The following CORO2B variants were observed in gnomAD, a reference collection of about 807,000 sequenced individuals.
CORO2B encodes coronin-2B.
A neutral mutation model predicts 58.8 loss-of-function variants in CORO2B; 26 were observed. The ratio of observed to expected loss-of-function variants is 0.44; its 90% CI spans 0.32 to 0.61. The LOEUF is 0.61. CORO2B is among the 20% of genes least tolerant of loss of function. The probability of loss-of-function intolerance (pLI) is 0.04; values close to 1 mark genes in which losing one functional copy is unlikely to be tolerated. For synonymous variants in CORO2B, 242 were observed against 253.8 expected, an observed-to-expected ratio of 0.95 and a Z score of 0.44; for missense variants, 460 against 645.1, an observed-to-expected ratio of 0.71 and a Z score of 3.11.
At chr15:68,644,528 A>G (rs1901359541) in intron 1 of CORO2B, among the ~76,000 whole-genome samples, 1 of 152,088 alleles carries the variant, frequency 6.6e-6, no homozygotes. Flanking sequence ...TCATGGCCCT[A>G]CTTAGCTGTG....
the CORO2B span, among the ~76,000 whole-genome samples, chr15:68,542,180 C>A: frequency 6.6e-6 from 1 of 152,202 alleles, no homozygotes; most frequent in Non-Finnish European, 1.5e-5. Flanking sequence ...CAAAAGACCC[C>A]AAAGGATCCA....
chr15:68,717,137 C>T (rs956311810), intron 8 of CORO2B, among the ~76,000 whole-genome samples: 5 of 151,844 alleles, frequency 3.3e-5, no homozygotes, highest in African/African-American at 1.2e-4. Context: ...AACCCTGTCT[C>T]TAAACCCTGT....
chr15:68,557,017 T>G, the CORO2B span, among the ~76,000 whole-genome samples: 1 of 152,202 alleles, frequency 6.6e-6, no homozygotes, highest in Non-Finnish European at 1.5e-5. Context: ...GCTTCCAGCT[T>G]TGGGAAAAGG....
At position 68,637,603 on chromosome 15, in the gene CORO2B, A is replaced by G. The variant is rs139569922; in HGVS notation, c.16-7557A>G. On this transcript the variant is annotated intron_variant, in intron 1 of 11. Transcript: ENST00000261861. Reference sequence around the variant, plus strand: ...CTGGAGAAGGAAGGCGGCTTGTCCCAGGTCACATAGCTAGAGACCAAACTA... The same window carrying G: ...CTGGAGAAGGAAGGCGGCTTGTCCCGGGTCACATAGCTAGAGACCAAACTA... 3.7e-3 allele frequency among the ~76,000 whole-genome samples: 557 copies of G among 152,332 alleles called. 5 individuals carry two copies. Among genetic ancestry groups the G allele is most frequent in the African/African-American group, 0.013 (534 of 41,584 alleles).
At chr15:68,545,406 C>T in the CORO2B span, among the ~76,000 whole-genome samples, 1 of 152,158 alleles carries the variant, frequency 6.6e-6, no homozygotes, top group East Asian at 1.9e-4. Flanking sequence ...CAGCCTCTGT[C>T]ATACCCTGGT....
chr15:68,601,864 A>G (rs1327112682), intron 1 of CORO2B, among the ~76,000 whole-genome samples: 1 of 152,210 alleles, frequency 6.6e-6, no homozygotes, highest in Non-Finnish European at 1.5e-5. Context: ...TTGATTTCTC[A>G]TAGCCGTGGA....
the CORO2B span, among the ~76,000 whole-genome samples, chr15:68,547,472 C>A: frequency 1.3e-5 from 2 of 152,080 alleles, no homozygotes; most frequent in Non-Finnish European, 2.9e-5. Flanking sequence ...TAATATTTTG[C>A]CAGCACTACT....
chr15:68,567,335 AT>A, the CORO2B span, among the ~76,000 whole-genome samples: 2 of 152,252 alleles, frequency 1.3e-5, no homozygotes, highest in African/African-American at 4.8e-5. Context: ...AGATGCCTTT[AT>A]ACTTAGACAA....
intron 1 of CORO2B, among the ~76,000 whole-genome samples, chr15:68,637,737 C>T (rs1453266882): frequency 1.2e-5 from 1 of 84,344 alleles, no homozygotes; most frequent in East Asian, 3.0e-4. Flanking sequence ...TGAGAGTTCT[C>T]CTGGGCTCCC....
upstream of CORO2B, among the ~76,000 whole-genome samples, chr15:68,574,955 T>G (rs1899251865): frequency 6.6e-6 from 1 of 152,166 alleles, no homozygotes; most frequent in Non-Finnish European, 1.5e-5. Flanking sequence ...AGACCAGAAC[T>G]AATACTGCAA....
chr15:68,633,547 T>A (rs28605084), intron 1 of CORO2B, among the ~76,000 whole-genome samples: 2,878 of 60,858 alleles, frequency 0.047, 100 homozygotes, highest in African/African-American at 0.15. Context: ...ACACACACAC[T>A]CACTCCTTGG....
At chr15:68,532,988 T>G in the CORO2B span, among the ~76,000 whole-genome samples, 1 of 152,254 alleles carries the variant, frequency 6.6e-6, no homozygotes, top group Admixed American at 6.5e-5. Context: ...TCCACATGGA[T>G]GGCTTATAAT....
chr15:68,692,601 A>AG (rs1596018537), intron 2 of CORO2B, among the ~76,000 whole-genome samples: 1 of 148,642 alleles, frequency 6.7e-6, no homozygotes, highest in Non-Finnish European at 1.5e-5. Flanking sequence ...AAATAAATAA[A>AG]AAAAATTAAC....
At chr15:68,669,090 A>AGAAGGAAGGAAG (rs1007335679) in intron 2 of CORO2B, among the ~76,000 whole-genome samples, 2 of 151,128 alleles carry the variant, frequency 1.3e-5, no homozygotes, top group African/African-American at 4.9e-5. Context: ...AGAGAGAGAA[A>AGAAGGAAGGAAG]GAAGGAAGGA....
At chr15:68,718,561 C>T in intron 8 of CORO2B, 137 bp from the exon 9 acceptor site, 2 of 707,850 alleles carry the variant, frequency 2.8e-6, no homozygotes, top group South Asian at 3.4e-5. Context: ...CGGTCTACCC[C>T]CTGCCCTCTG....
intron 11 of CORO2B, among the ~76,000 whole-genome samples, chr15:68,721,689 C>T (rs1246188125): frequency 6.6e-6 from 1 of 152,012 alleles, no homozygotes; most frequent in East Asian, 1.9e-4. Context: ...GCTATACTTT[C>T]TATTAATATA....
chr15:68,695,111 T>TTCTC (rs149581487), intron 2 of CORO2B, 29 bp from the exon 3 acceptor site: 5 of 1,515,506 alleles, frequency 3.3e-6, no homozygotes, highest in Non-Finnish European at 3.6e-6. Context: ...ACTAATCTCC[T>TTCTC]TCTCTCTCTC....
chr15:68,715,901 A>G (rs1435505303), intron 8 of CORO2B, among the ~76,000 whole-genome samples: 2 of 152,218 alleles, frequency 1.3e-5, no homozygotes, highest in South Asian at 2.1e-4. Context: ...GGTAATGCAT[A>G]TGATTCAGCA....
intron 1 of CORO2B, among the ~76,000 whole-genome samples, chr15:68,593,420 C>A (rs1297450779): frequency 6.6e-6 from 1 of 152,200 alleles, no homozygotes; most frequent in African/African-American, 2.4e-5. Flanking sequence ...GAGGTGGGAT[C>A]CAGGCAGTCA....
Sources: gnomAD v4.1 joint callset for allele counts (sites outside exome capture counted in the v4.1 genomes callset) on GRCh38, gnomAD v4.1.1 for gene constraint, MANE v1.5 for transcripts, NCBI Gene and HGNC (gene_info 2026-07-23, HGNC 2026-07-21) for gene names.